The following DTNBP1 variants were observed in gnomAD, a reference collection of about 807,000 sequenced individuals.
The protein encoded by DTNBP1 is dystrobrevin binding protein 1, also known as dysbindin.
A neutral mutation model predicts 42.8 loss-of-function variants in DTNBP1; 35 were observed. The ratio of observed to expected loss-of-function variants is 0.82; its 90% CI spans 0.63 to 1.09. The LOEUF is 1.09. Ranked by LOEUF, DTNBP1 falls within the 50% of genes least tolerant of loss-of-function variation. DTNBP1 has a pLI of 0.00. For missense variants in DTNBP1, 457 were observed against 424.2 expected (o/e 1.08, Z -0.68); for synonymous variants, 171 against 162.2 (o/e 1.05, Z -0.41).
At chr6:15,643,072 C>G (rs566806899) in intron 3 of DTNBP1, among the ~76,000 whole-genome samples, 7 of 152,258 alleles carry the variant, frequency 4.6e-5, no homozygotes, top group African/African-American at 1.7e-4. Context: ...AACCAGAAAA[C>G]TGATTCAGCA....
intron 2 of DTNBP1, among the ~76,000 whole-genome samples, chr6:15,651,738 T>C (rs912621738): frequency 3.9e-5 from 6 of 152,162 alleles, no homozygotes; most frequent in African/African-American, 9.7e-5. Flanking sequence ...ACAGGTAACA[T>C]AGCTGAAGAG....
chr6:15,604,871 C>A (rs1221402051), intron 6 of DTNBP1, among the ~76,000 whole-genome samples: 2 of 152,122 alleles, frequency 1.3e-5, no homozygotes, highest in South Asian at 2.1e-4. Flanking sequence ...CACTAAATCT[C>A]ATCAGAGGCA....
At chr6:15,657,348 T>A (rs1224688727) in intron 1 of DTNBP1, among the ~76,000 whole-genome samples, 1 of 152,224 alleles carries the variant, frequency 6.6e-6, no homozygotes, top group Non-Finnish European at 1.5e-5. Context: ...ACACCATTTA[T>A]CTAAGATACT....
chr6:15,570,136 AC>A (rs1229248648), intron 7 of DTNBP1, among the ~76,000 whole-genome samples: 2 of 151,790 alleles, frequency 1.3e-5, no homozygotes, highest in East Asian at 3.9e-4. Flanking sequence ...GACAATCAAC[AC>A]CAAATTCTAT....
At chr6:15,626,213 A>G (rs557088916) in intron 5 of DTNBP1, among the ~76,000 whole-genome samples, 1 of 152,340 alleles carries the variant, frequency 6.6e-6, no homozygotes, top group Admixed American at 6.5e-5. Flanking sequence ...GCCTTAGTTT[A>G]TCTGTAAATT....
intron 6 of DTNBP1, among the ~76,000 whole-genome samples, chr6:15,614,065 C>T (rs1009762153): frequency 2.6e-5 from 4 of 152,166 alleles, no homozygotes; most frequent in Non-Finnish European, 5.9e-5. Context: ...CCAGGTGACT[C>T]TTATGGCTCA....
At chr6:15,526,062 CAAT>C (rs776660103) in intron 8 of DTNBP1, among the ~76,000 whole-genome samples, 52 of 152,134 alleles carry the variant, frequency 3.4e-4, no homozygotes, top group Non-Finnish European at 6.2e-4. Flanking sequence ...TCATGAACAA[CAAT>C]AATAAAAGCC....
intron 7 of DTNBP1, among the ~76,000 whole-genome samples, chr6:15,590,847 C>G (rs1321403441): frequency 6.6e-6 from 1 of 152,192 alleles, no homozygotes; most frequent in African/African-American, 2.4e-5. Context: ...ATCTACATTA[C>G]TAACTTTGAG....
At position 15,613,481 on chromosome 6, in the gene DTNBP1, C is replaced by T. The variant is rs542803367; in HGVS notation, c.488+1786G>A. Among the ~76,000 whole-genome samples the T allele has an allele frequency of 4.3e-4, 64 of 150,374 alleles. No individual in the cohort carries two copies. In the South Asian group the frequency reaches 0.013, roughly 31 times the overall value. ...TCCCGGGTTCATGCCATTCTCCTGC[C>T]TCAGCCTCCCGAGTAGCTGGGACTA... is the stretch of plus-strand genomic sequence containing the variant. On this transcript the variant is annotated intron_variant, in intron 6 of 9. Transcript: ENST00000344537.
At chr6:15,657,432 A>T (rs1201198222) in intron 1 of DTNBP1, among the ~76,000 whole-genome samples, 1 of 152,068 alleles carries the variant, frequency 6.6e-6, no homozygotes, top group African/African-American at 2.4e-5. Flanking sequence ...TGCCTAACAC[A>T]TCTATTCCCT....
Position 15,637,778 on chromosome 6 carries a change from T to C in DTNBP1, c.188A>G (p.His63Arg), listed in dbSNP as rs1372897300. The C allele has an allele frequency of 1.2e-6, 2 of 1,613,706 alleles. No individual in the cohort carries two copies. Among genetic ancestry groups the C allele is most frequent in the Non-Finnish European group, 8.5e-7 (1 of 1,180,008 alleles). ...ACTTGCACAGTCTTTGGCTCTTCTG[T>C]GAAGTGCAGCCCATGTATCCTCATA... Reference protein sequence around the residue: ...SRYEDTWAALHRRAKDCASAG... With the variant: ...SRYEDTWAALRRRAKDCASAG... The change falls in exon 4 of 10, where the codon CAC becomes CGC. Residue 63 changes from histidine (H) to arginine (R), a missense_variant. Coordinates refer to ENST00000344537, the MANE Select transcript of DTNBP1 (RefSeq NM_032122.5).
At chr6:15,567,621 G>A (rs1038395630) in intron 7 of DTNBP1, among the ~76,000 whole-genome samples, 1 of 152,082 alleles carries the variant, frequency 6.6e-6, no homozygotes, top group Non-Finnish European at 1.5e-5. Flanking sequence ...GCTTCACATT[G>A]TCCCATCTTT....
At chr6:15,578,037 C>A (rs1775657103) in intron 7 of DTNBP1, among the ~76,000 whole-genome samples, 1 of 152,216 alleles carries the variant, frequency 6.6e-6, no homozygotes, top group South Asian at 2.1e-4. Flanking sequence ...CCAGACGATT[C>A]TGCAGAGAGG....
At chr6:15,615,709 T>C (rs1289260767) in intron 5 of DTNBP1, among the ~76,000 whole-genome samples, 2 of 152,246 alleles carry the variant, frequency 1.3e-5, no homozygotes, top group African/African-American at 4.8e-5. Context: ...TGATCCCATA[T>C]ACCACATGTG....
intron 7 of DTNBP1, among the ~76,000 whole-genome samples, chr6:15,562,346 ATAATC>A (rs556634404): frequency 1.3e-5 from 2 of 152,170 alleles, no homozygotes; most frequent in Non-Finnish European, 2.9e-5. Flanking sequence ...CTGTTTCTCT[ATAATC>A]TAAATTGAGA....
intron 7 of DTNBP1, 104 bp from the exon 8 acceptor site, chr6:15,533,499 C>A: frequency 6.3e-7 from 1 of 1,585,218 alleles, no homozygotes; most frequent in Non-Finnish European, 8.7e-7. Context: ...TGGAGTCATG[C>A]CGCGTTTACA....
intron 2 of DTNBP1, among the ~76,000 whole-genome samples, chr6:15,651,776 T>A (rs533311887): frequency 6.6e-6 from 1 of 152,208 alleles, no homozygotes; most frequent in South Asian, 2.1e-4. Flanking sequence ...TATTTCATCA[T>A]TAATTTGCTT....
intron 7 of DTNBP1, among the ~76,000 whole-genome samples, chr6:15,542,059 T>A (rs143031180): frequency 5.5e-4 from 84 of 152,318 alleles, no homozygotes; most frequent in African/African-American, 1.8e-3. Context: ...TTAAGAGCAT[T>A]GTTCATTAGA....
chr6:15,561,688 G>C (rs139163403), intron 7 of DTNBP1, among the ~76,000 whole-genome samples: 1,921 of 152,340 alleles, frequency 0.013, 39 homozygotes, highest in African/African-American at 0.042. Context: ...ACTCCATCTT[G>C]AATAGGGGCT....
Sources: allele counts gnomAD v4.1 joint callset (sites outside exome capture counted in the v4.1 genomes callset), GRCh38; gene constraint gnomAD v4.1.1; transcripts MANE v1.5; gene names NCBI Gene and HGNC (gene_info 2026-07-23, HGNC 2026-07-21).